Variants in BCAT1 observed in about 807,000 individuals in gnomAD.
The protein encoded by BCAT1 is branched chain amino acid transaminase 1.
In BCAT1, 48 loss-of-function variants were observed where a neutral mutation model predicts 52.4. The observed-to-expected ratio is 0.92, with a 90% CI of 0.73 to 1.16. The LOEUF (loss-of-function observed/expected upper bound fraction) is 1.16, where lower values mean the gene tolerates loss of function less well. Among genes scored for constraint, BCAT1 ranks in the 50% most tolerant of loss-of-function variants. The pLI is 0.00. For missense variants in BCAT1, 451 were observed against 457.1 expected (o/e 0.99, Z 0.12); for synonymous variants, 167 against 161.3 (o/e 1.04, Z -0.27).
At chr12:24,882,142 A>G (rs1942523406) in intron 3 of BCAT1, among the ~76,000 whole-genome samples, 1 of 152,258 alleles carries the variant, frequency 6.6e-6, no homozygotes, top group Admixed American at 6.5e-5. Flanking sequence ...AGGAAGAACA[A>G]ACTTCCCTAA....
At chr12:24,882,166 C>T (rs1253675299) in intron 3 of BCAT1, among the ~76,000 whole-genome samples, 1 of 152,232 alleles carries the variant, frequency 6.6e-6, no homozygotes, top group Non-Finnish European at 1.5e-5. Context: ...ATACAGAGAA[C>T]TCTTACACAG....
At chr12:24,873,979 C>A (rs1041524967) in intron 5 of BCAT1, among the ~76,000 whole-genome samples, 1 of 152,102 alleles carries the variant, frequency 6.6e-6, no homozygotes, top group South Asian at 2.1e-4. Flanking sequence ...AGGAACTGCA[C>A]AAAAACATTA....
intron 1 of BCAT1, among the ~76,000 whole-genome samples, chr12:24,938,108 A>T (rs1474429846): frequency 6.6e-6 from 1 of 152,154 alleles, no homozygotes; most frequent in Non-Finnish European, 1.5e-5. Flanking sequence ...ACAGTGGATA[A>T]TGGGGCCAGA....
At position 24,812,670 on chromosome 12, in the gene BCAT1, A is replaced by T. The variant is rs1269501205; in HGVS notation, c.*5338T>A. ...AAAAAGCTCCTTTGGATAACACAAA[A>T]ATATGTTTTGTTTTTTTCCCCTCCT... is the stretch of plus-strand genomic sequence containing the variant. On this transcript the variant is annotated 3_prime_UTR_variant, in exon 11 of 11. Transcript: ENST00000261192. The T allele has an allele frequency of 6.6e-6, 1 of 151,976 alleles. No homozygotes were observed. The highest frequency in any genetic ancestry group is 1.9e-4 in the East Asian group (1 of 5,202). The allele number at this position is 151,976 out of a possible 1,614,324, so 9.4% of individuals were successfully genotyped here. A position where few individuals can be genotyped will look rare whatever the true frequency, so the allele number is the denominator to read the frequency against.
At chr12:24,893,268 G>T (rs1394542926) in intron 3 of BCAT1, among the ~76,000 whole-genome samples, 1 of 152,238 alleles carries the variant, frequency 6.6e-6, no homozygotes, top group African/African-American at 2.4e-5. Flanking sequence ...CTGGGCTCTC[G>T]CTATGCACCA....
At chr12:24,862,936 C>A (rs1941890341) in intron 5 of BCAT1, among the ~76,000 whole-genome samples, 2 of 152,162 alleles carry the variant, frequency 1.3e-5, no homozygotes, top group Admixed American at 1.3e-4. Flanking sequence ...AACTAATGGG[C>A]AATCCATACA....
At chr12:24,836,163 G>A (rs532423347) in intron 8 of BCAT1, among the ~76,000 whole-genome samples, 21 of 152,322 alleles carry the variant, frequency 1.4e-4, no homozygotes, top group Non-Finnish European at 4.4e-5. Context: ...CCATTTGGAA[G>A]CAACACAGAC....
At chr12:24,880,079 G>T (rs1942450631) in intron 4 of BCAT1, among the ~76,000 whole-genome samples, 1 of 152,138 alleles carries the variant, frequency 6.6e-6, no homozygotes, top group Non-Finnish European at 1.5e-5. Flanking sequence ...GTGAAATGCG[G>T]GTTACAAAAA....
At chr12:24,831,301 A>T (rs1940654896) in intron 9 of BCAT1, among the ~76,000 whole-genome samples, 1 of 152,210 alleles carries the variant, frequency 6.6e-6, no homozygotes, top group Non-Finnish European at 1.5e-5. Flanking sequence ...TTTGTTGTTG[A>T]TAAGGCTTCC....
intron 9 of BCAT1, among the ~76,000 whole-genome samples, chr12:24,831,892 A>C (rs1460081130): frequency 6.6e-6 from 1 of 151,800 alleles, no homozygotes; most frequent in Non-Finnish European, 1.5e-5. Context: ...AAAGTATGGC[A>C]CATATAAAAT....
At chr12:24,893,489 C>T (rs1163897527) in intron 3 of BCAT1, among the ~76,000 whole-genome samples, 1 of 152,136 alleles carries the variant, frequency 6.6e-6, no homozygotes, top group African/African-American at 2.4e-5. Context: ...TAATCACATG[C>T]CTTCTCACTT....
At position 24,876,957 on chromosome 12, in the gene BCAT1, G is replaced by GA. The variant is rs375925260; in HGVS notation, c.510+1572dup. 9.4e-3 allele frequency among the ~76,000 whole-genome samples: 1,381 copies of GA among 146,242 alleles called. 23 individuals are homozygous for GA. The highest frequency in any genetic ancestry group is 0.03 in the African/African-American group (1,215 of 40,022). On this transcript the variant is annotated intron_variant, in intron 5 of 10. Coordinates refer to ENST00000261192, the MANE Select transcript of BCAT1 (RefSeq NM_005504.7). ...ACATGTACCCTGGAACTTAAAAGCT[G>GA]AAAAAAAAAAATTCAATTATCTTAA...
intron 6 of BCAT1, 66 bp downstream of exon 6, chr12:24,849,720 G>A: frequency 1.4e-6 from 2 of 1,480,148 alleles, no homozygotes; most frequent in South Asian, 1.4e-5. Context: ...ATACTGAAGT[G>A]AAATGGCACT....
intron 1 of BCAT1, among the ~76,000 whole-genome samples, chr12:24,939,011 T>C (rs1342578260): frequency 6.6e-6 from 1 of 152,158 alleles, no homozygotes; most frequent in Non-Finnish European, 1.5e-5. Flanking sequence ...GTAGCTGGGA[T>C]TGCAGGTGCA....
intron 5 of BCAT1, among the ~76,000 whole-genome samples, chr12:24,859,618 C>CAAAAA (rs71063366): frequency 3.2e-5 from 3 of 94,010 alleles, no homozygotes; most frequent in African/African-American, 1.2e-4. Flanking sequence ...AGACTCGTCT[C>CAAAAA]AAAAAAAAAA....
At chr12:24,855,955 C>T (rs1003587750) in intron 5 of BCAT1, among the ~76,000 whole-genome samples, 5 of 152,032 alleles carry the variant, frequency 3.3e-5, no homozygotes, top group African/African-American at 9.7e-5. Context: ...GACAAATATC[C>T]CCTTCCTTAA....
intron 1 of BCAT1, chr12:24,903,189 G>A (rs544612698): frequency 1.7e-6 from 2 of 1,149,154 alleles, no homozygotes; most frequent in Non-Finnish European, 2.2e-6. Flanking sequence ...GCCTCCAACC[G>A]TCTCGTCCCA....
chr12:24,830,230 C>T, intron 9 of BCAT1: 1 of 193,432 alleles, frequency 5.2e-6, no homozygotes, highest in Non-Finnish European at 1.0e-5. Flanking sequence ...AGAACCCTAC[C>T]TCTTCCAAGA....
chr12:24,875,223 G>A (rs1339712194), intron 5 of BCAT1, among the ~76,000 whole-genome samples: 1 of 152,150 alleles, frequency 6.6e-6, no homozygotes, highest in Non-Finnish European at 1.5e-5. Flanking sequence ...AAAACCTAAT[G>A]AATGATCATT....
Sources: gnomAD v4.1 joint callset for allele counts (sites outside exome capture counted in the v4.1 genomes callset) on GRCh38, gnomAD v4.1.1 for gene constraint, MANE v1.5 for transcripts, NCBI Gene and HGNC (gene_info 2026-07-23, HGNC 2026-07-21) for gene names.